The following KIF21A variants were observed in gnomAD, a reference collection of about 807,000 sequenced individuals.
The protein encoded by KIF21A is kinesin family member 21A.
Under a neutral mutation model 202.9 loss-of-function variants are expected in KIF21A, and 114 were observed. The observed-to-expected ratio is 0.56, with a 90% confidence interval of 0.48 to 0.66. The LOEUF (loss-of-function observed/expected upper bound fraction) is 0.66, where lower values mean the gene tolerates loss of function less well. Among genes scored for constraint, KIF21A ranks in the 30% least tolerant of loss-of-function variants. The pLI, the probability that KIF21A is intolerant of heterozygous loss-of-function variation, is 0.00. For synonymous variants in KIF21A, 667 were observed against 670.8 expected (o/e 0.99, Z 0.09); for missense variants, 1,677 against 1,994.9 (o/e 0.84, Z 3.04).
At chr12:39,424,972 C>T (rs1954630011) in intron 1 of KIF21A, among the ~76,000 whole-genome samples, 1 of 152,122 alleles carries the variant, frequency 6.6e-6, no homozygotes. Flanking sequence ...ACCTCTCTAC[C>T]TACCTCTCCG....
chr12:39,294,351 C>T lies in KIF21A; in HGVS notation c.*73G>A. 2 of 1,152,658 alleles carry T rather than the reference C, an allele frequency of 1.7e-6. No individual in the cohort carries two copies. 71.4% of individuals were successfully genotyped at this position (1,152,658 alleles called of 1,614,324 possible). On this transcript the variant is annotated 3_prime_UTR_variant, in exon 38 of 38. Transcript: ENST00000361418. ...ATTCATACGTTTTGCCTAGTAAGTA[C>T]AGGACAACATTTTCCATAAAGAATA... is the stretch of plus-strand genomic sequence containing the variant.
In KIF21A at chr12:39,435,739, T is replaced by A. The variant is rs1399011947; in HGVS notation, c.44+7188A>T. ...TGCAATGTGCCATAATCCTTTAGTC[T>A]GTTGGAGTAAAGTATTAAGAACCAA... On this transcript the variant is annotated intron_variant, in intron 1 of 37. Coordinates refer to ENST00000361418, the MANE Select transcript of KIF21A (RefSeq NM_001173464.2). Among the ~76,000 whole-genome samples, 4 of 151,796 alleles carry A rather than the reference T, an allele frequency of 2.6e-5. No homozygotes were observed. In the East Asian group the frequency reaches 7.8e-4, roughly 29 times the overall value.
intron 30 of KIF21A, 116 bp from the exon 31 acceptor site, chr12:39,315,356 A>G: frequency 1.1e-6 from 1 of 873,218 alleles, no homozygotes; most frequent in Non-Finnish European, 1.9e-6. Context: ...AGAGAAGTTA[A>G]GGACCCCCAG....
At chr12:39,341,712 G>T in intron 13 of KIF21A, 90 bp from the exon 14 acceptor site, 1 of 1,372,194 alleles carries the variant, frequency 7.3e-7, no homozygotes, top group Non-Finnish European at 1.0e-6. Context: ...TACAAAGTAC[G>T]GAAACATAAA....
chr12:39,301,928 G>A (rs1429772796), intron 36 of KIF21A, among the ~76,000 whole-genome samples: 1 of 152,138 alleles, frequency 6.6e-6, no homozygotes, highest in Non-Finnish European at 1.5e-5. Flanking sequence ...GAATGTAAAA[G>A]ACCCTGAAAA....
At position 39,363,111 on chromosome 12, in the gene KIF21A, G is replaced by C; in HGVS notation, c.1006C>G (p.Leu336Val). The change falls in exon 7 of 38, where the codon CTC becomes GTC. Residue 336 changes from leucine to valine, a missense_variant. This residue lies in a region of KIF21A where 966 missense variants were observed against 1,180.9 expected (regional missense o/e 0.82). Transcript: ENST00000361418. The part of the protein sequence containing the change: ...SKLTRLLQDS[L>V]GGNSQTIMIA... ...ATCTATGCATACCTATTACCCCCGA[G>C]GGAATCCTGTAGTAGTCTTGTTAGC... The C allele has an allele frequency of 1.9e-6, 3 of 1,602,470 alleles. No homozygotes were observed. The highest frequency in any genetic ancestry group is 1.1e-5 in the South Asian group (1 of 90,814).
At chr12:39,333,190 A>G (rs986080116) in intron 18 of KIF21A, 22 bp downstream of exon 18, 1 of 1,611,694 alleles carries the variant, frequency 6.2e-7, no homozygotes, top group Non-Finnish European at 8.5e-7. Context: ...TTTCTTCCAA[A>G]TGGTCAGCTT....
intron 1 of KIF21A, among the ~76,000 whole-genome samples, chr12:39,421,556 G>A (rs1262979023): frequency 6.6e-6 from 1 of 151,810 alleles, no homozygotes; most frequent in Non-Finnish European, 1.5e-5. Flanking sequence ...AGCCGGGTGT[G>A]ATAGTGCATG....
chr12:39,353,205 G>C (rs1160406499), intron 10 of KIF21A, among the ~76,000 whole-genome samples: 1 of 152,028 alleles, frequency 6.6e-6, no homozygotes, highest in Non-Finnish European at 1.5e-5. Flanking sequence ...TGAAATAGTT[G>C]AGACAGATGG....
intron 1 of KIF21A, among the ~76,000 whole-genome samples, chr12:39,404,876 A>G (rs1419502922): frequency 2.6e-5 from 4 of 152,216 alleles, no homozygotes; most frequent in African/African-American, 4.8e-5. Context: ...AGCAGTATCA[A>G]TAATATTCCA....
At chr12:39,316,434 T>C (rs566057023) in intron 29 of KIF21A, among the ~76,000 whole-genome samples, 272 of 152,292 alleles carry the variant, frequency 1.8e-3, no homozygotes, top group Middle Eastern at 3.4e-3. Flanking sequence ...TGTTTTCACA[T>C]AGAAAGCAAG....
chr12:39,370,386 T>A, intron 1 of KIF21A, 125 bp from the exon 2 acceptor site: 1 of 688,340 alleles, frequency 1.5e-6, no homozygotes, highest in Non-Finnish European at 2.5e-6. Flanking sequence ...TAATGCTTAT[T>A]CAGTTGAAAA....
intron 11 of KIF21A, among the ~76,000 whole-genome samples, chr12:39,349,368 C>A (rs1023462498): frequency 1.3e-5 from 2 of 151,994 alleles, no homozygotes; most frequent in African/African-American, 4.8e-5. Flanking sequence ...TTAATTGAAC[C>A]TCTTGTATGT....
chr12:39,300,686 CAT>C lies in KIF21A; in HGVS notation c.4931+792_4931+793del, dbSNP rs570222030. Among the ~76,000 whole-genome samples, 438 of 152,086 alleles carry C rather than the reference CAT, an allele frequency of 2.9e-3. 1 individual carries two copies. Among genetic ancestry groups the C allele is most frequent in the South Asian group, 0.012 (57 of 4,810 alleles). On this transcript the variant is annotated intron_variant, in intron 37 of 37. Coordinates refer to ENST00000361418, the MANE Select transcript of KIF21A (RefSeq NM_001173464.2). Reference sequence around the variant, plus strand: ...TACATACACTTTCCTTTTCAAAGTACATATATATATGTACTATATATAATGTC... The same window carrying C: ...TACATACACTTTCCTTTTCAAAGTACATATATATGTACTATATATAATGTC...
intron 7 of KIF21A, among the ~76,000 whole-genome samples, chr12:39,362,807 A>G (rs2139008981): frequency 6.6e-6 from 1 of 152,322 alleles, no homozygotes; most frequent in African/African-American, 2.4e-5. Flanking sequence ...TCCACATACT[A>G]TTGACTTCAT....
At chr12:39,391,851 G>GC (rs1435131357) in intron 1 of KIF21A, among the ~76,000 whole-genome samples, 1 of 151,900 alleles carries the variant, frequency 6.6e-6, no homozygotes, top group East Asian at 1.9e-4. Flanking sequence ...GCAATTTTCT[G>GC]CCCCAGCCTC....
At position 39,362,587 on chromosome 12, in the gene KIF21A, C is replaced by A. The variant is rs140155697; in HGVS notation, c.1019+511G>T. Reference sequence around the variant, plus strand: ...GATATTGGCAAAGTTAATAACCAGCCAACACTCTGTATTTCATTCAGTGGA... The same window carrying A: ...GATATTGGCAAAGTTAATAACCAGCAAACACTCTGTATTTCATTCAGTGGA... On this transcript the variant is annotated intron_variant, in intron 7 of 37. Coordinates refer to ENST00000361418, the MANE Select transcript of KIF21A (RefSeq NM_001173464.2). Among the ~76,000 whole-genome samples, 30 of 151,530 alleles carry A rather than the reference C, an allele frequency of 2.0e-4. No homozygotes were observed. In the East Asian group the frequency reaches 5.8e-3, roughly 29 times the overall value.
chr12:39,399,333 G>A (rs1592550583), intron 1 of KIF21A, among the ~76,000 whole-genome samples: 2 of 152,196 alleles, frequency 1.3e-5, no homozygotes, highest in Non-Finnish European at 2.9e-5. Flanking sequence ...AGGGACTTGA[G>A]CATCCACAGA....
At chr12:39,440,007 A>AT (rs1385254413) in intron 1 of KIF21A, among the ~76,000 whole-genome samples, 1 of 152,164 alleles carries the variant, frequency 6.6e-6, no homozygotes, top group African/African-American at 2.4e-5. Flanking sequence ...AATGCTTTTG[A>AT]TTTTGTATAT....
Sources: gnomAD v4.1 joint callset for allele counts (sites outside exome capture counted in the v4.1 genomes callset) on GRCh38, gnomAD v4.1.1 for gene constraint, gnomAD v4.1.1 regional missense constraint, MANE v1.5 for transcripts, NCBI Gene and HGNC (gene_info 2026-07-23, HGNC 2026-07-21) for gene names.